CIROP: variants seen among roughly 807,000 people sequenced by gnomAD.
CIROP encodes the protein ciliated left-right organizer metallopeptidase.
At chr14:23,104,023 A>G in the CIROP span, among the ~76,000 whole-genome samples, 1 of 152,194 alleles carries the variant, frequency 6.6e-6, no homozygotes, top group South Asian at 2.1e-4. Context: ...ATCGTTAAGC[A>G]CACTAAGTAA....
At chr14:23,104,639 T>C in the CIROP span, 1 of 702,902 alleles carries the variant, frequency 1.4e-6, no homozygotes, top group Non-Finnish European at 2.6e-6. Context: ...CCTCTCTCAC[T>C]GCGGCCAGGG....
chr14:23,100,878 C>T, the CIROP span: 2 of 398,896 alleles, frequency 5.0e-6, no homozygotes, highest in Non-Finnish European at 8.8e-6. Flanking sequence ...CTCGCCAAAG[C>T]CTCCAGTACT....
chr14:23,103,874 G>T, the CIROP span: 1 of 679,530 alleles, frequency 1.5e-6, no homozygotes, highest in African/African-American at 1.8e-5. Flanking sequence ...AGGAAATTGG[G>T]TATGAGGAGT....
At chr14:23,099,295 A>AAGG in the CIROP span, 1 of 413,400 alleles carries the variant, frequency 2.4e-6, no homozygotes, top group Non-Finnish European at 4.4e-6. Flanking sequence ...CACCTCCCTT[A>AAGG]TTCCTCTAAC....
At chr14:23,099,743 C>A in the CIROP span, 1 of 283,444 alleles carries the variant, frequency 3.5e-6, no homozygotes, top group Admixed American at 5.4e-5. Flanking sequence ...GGGCTTTACC[C>A]TTAAAGATAG....
chr14:23,104,694 C>G, the CIROP span: 4 of 702,852 alleles, frequency 5.7e-6, no homozygotes, highest in Middle Eastern at 9.2e-4. Flanking sequence ...ATCCCAAGCT[C>G]CATCTGATAT....
At chr14:23,101,092 A>C in the CIROP span, 1 of 400,590 alleles carries the variant, frequency 2.5e-6, no homozygotes, top group Non-Finnish European at 4.4e-6. Flanking sequence ...GCAAGGAAAT[A>C]GGTAGCAGGA....
the CIROP span, chr14:23,100,312 G>A: frequency 4.9e-6 from 2 of 404,840 alleles, no homozygotes; most frequent in East Asian, 3.6e-5. Flanking sequence ...TCCTAGAGAT[G>A]GGGGAATGTG....
the CIROP span, chr14:23,103,611 C>T: frequency 1.5e-6 from 1 of 657,216 alleles, no homozygotes; most frequent in Non-Finnish European, 2.7e-6. Context: ...TGCTCCCTAA[C>T]CCTCCTCATG....
the CIROP span, chr14:23,099,565 T>TTG: frequency 2.5e-6 from 1 of 406,224 alleles, no homozygotes; most frequent in East Asian, 3.6e-5. Context: ...ACCTTTTTTT[T>TTG]TTTTTTTTTT....
the CIROP span, chr14:23,100,737 C>T: frequency 5.0e-6 from 2 of 398,662 alleles, no homozygotes; most frequent in Admixed American, 4.4e-5. Flanking sequence ...GAGTATATCT[C>T]ATGAAACAGA....
At chr14:23,101,374 T>C in the CIROP span, 2 of 562,114 alleles carry the variant, frequency 3.6e-6, no homozygotes, top group South Asian at 2.5e-5. Flanking sequence ...TGTGCATTGA[T>C]GTAAGTAGCA....
At chr14:23,101,851 CAGA>C in the CIROP span, 4 of 702,732 alleles carry the variant, frequency 5.7e-6, no homozygotes, top group Non-Finnish European at 1.0e-5. Flanking sequence ...CCTGCCAGTA[CAGA>C]AGAAGTCTGA....
At chr14:23,101,078 A>G in the CIROP span, 1 of 400,184 alleles carries the variant, frequency 2.5e-6, no homozygotes, top group Non-Finnish European at 4.4e-6. Flanking sequence ...GTACCCAGGT[A>G]TCTGCAAGGA....
At chr14:23,102,038 C>G in the CIROP span, 6 of 701,368 alleles carry the variant, frequency 8.6e-6, no homozygotes, top group South Asian at 8.9e-5. Context: ...CCCACTTCCC[C>G]CAGAGCTGAC....
the CIROP span, chr14:23,103,062 G>A: frequency 1.9e-6 from 1 of 523,212 alleles, no homozygotes; most frequent in South Asian, 3.4e-5. Context: ...CTGTGGATGG[G>A]CCAGGACAGG....
At chr14:23,099,416 G>A in the CIROP span, 16 of 413,492 alleles carry the variant, frequency 3.9e-5, no homozygotes, top group Non-Finnish European at 6.6e-5. Context: ...ACCAGGATTA[G>A]CAGCATTAGG....
At chr14:23,103,375 C>A in the CIROP span, 1 of 384,962 alleles carries the variant, frequency 2.6e-6, no homozygotes, top group Non-Finnish European at 4.6e-6. Flanking sequence ...CATGACAAAA[C>A]CCCGTCTCTA....
chr14:23,104,876 G>A, the CIROP span: 1 of 678,324 alleles, frequency 1.5e-6, no homozygotes, highest in Non-Finnish European at 2.7e-6. Context: ...CAACCCTGAG[G>A]ACTAGTGGCG....
Sources: gnomAD v4.1 joint callset for allele counts (sites outside exome capture counted in the v4.1 genomes callset) on GRCh38, gnomAD v4.1.1 for gene constraint, MANE v1.5 for transcripts, NCBI Gene and HGNC (gene_info 2026-07-23, HGNC 2026-07-21) for gene names.